Variants in WWOX observed in about 807,000 individuals in gnomAD.
WWOX encodes the protein WW domain containing oxidoreductase, also known as WW domain-containing oxidoreductase.
WWOX carries 69 observed loss-of-function variants against 46.2 expected under a neutral mutation model. The observed-to-expected ratio is 1.49, with a 90% confidence interval of 1.23 to 1.82. WWOX has a LOEUF of 1.82. WWOX is among the 40% of genes most tolerant of loss of function. The pLI is 0.00. For missense variants in WWOX, 919 were observed against 542.6 expected, an observed-to-expected ratio of 1.69 and a Z score of -6.89; for synonymous variants, 359 against 202.6, an observed-to-expected ratio of 1.77 and a Z score of -6.56.
chr16:78,792,973 G>A (rs1446440224), intron 8 of WWOX, among the ~76,000 whole-genome samples: 2 of 152,146 alleles, frequency 1.3e-5, no homozygotes, highest in Non-Finnish European at 2.9e-5. Context: ...TCTTTATTTC[G>A]TTGGTGCTCA....
chr16:78,586,104 C>G (rs1183483270), intron 8 of WWOX, among the ~76,000 whole-genome samples: 3 of 152,098 alleles, frequency 2.0e-5, no homozygotes, highest in South Asian at 4.1e-4. Flanking sequence ...TACCTGTAAT[C>G]CCAACACTTT....
At chr16:78,858,603 G>A (rs1232972332) in intron 8 of WWOX, among the ~76,000 whole-genome samples, 2 of 152,032 alleles carry the variant, frequency 1.3e-5, no homozygotes, top group African/African-American at 2.4e-5. Flanking sequence ...TGTGGCTTAG[G>A]AGCTGAGAAG....
intron 8 of WWOX, among the ~76,000 whole-genome samples, chr16:79,063,407 T>C (rs1349025061): frequency 1.3e-5 from 2 of 152,180 alleles, no homozygotes; most frequent in Non-Finnish European, 2.9e-5. Flanking sequence ...AGGTTGCCAG[T>C]CTGGATATGG....
intron 8 of WWOX, among the ~76,000 whole-genome samples, chr16:78,962,642 T>A (rs1465558587): frequency 6.6e-6 from 1 of 152,102 alleles, no homozygotes; most frequent in Admixed American, 6.5e-5. Context: ...TGCATCAGAA[T>A]CTAACTTGAG....
intron 8 of WWOX, among the ~76,000 whole-genome samples, chr16:78,827,221 C>T (rs1465417724): frequency 1.3e-5 from 2 of 152,186 alleles, no homozygotes; most frequent in South Asian, 2.1e-4. Context: ...AATGGCTGAT[C>T]CTCTAAGACA....
At chr16:79,110,441 A>G (rs1597384956) in intron 8 of WWOX, among the ~76,000 whole-genome samples, 1 of 152,290 alleles carries the variant, frequency 6.6e-6, no homozygotes, top group South Asian at 2.1e-4. Context: ...TCCTGCCTCC[A>G]GCTGTGTAGC....
chr16:78,548,356 A>G (rs1434084427), intron 8 of WWOX, among the ~76,000 whole-genome samples: 1 of 151,828 alleles, frequency 6.6e-6, no homozygotes, highest in Admixed American at 6.6e-5. Flanking sequence ...AAAAAAATCC[A>G]GATTGCTTAG....
intron 6 of WWOX, among the ~76,000 whole-genome samples, chr16:78,416,321 G>T (rs1353077965): frequency 1.3e-5 from 2 of 152,114 alleles, no homozygotes; most frequent in Non-Finnish European, 2.9e-5. Context: ...TTAAAGTGAG[G>T]CAAAAGTAAT....
At chr16:78,923,060 C>T (rs1401247155) in intron 8 of WWOX, among the ~76,000 whole-genome samples, 1 of 149,742 alleles carries the variant, frequency 6.7e-6, no homozygotes, top group African/African-American at 2.5e-5. Context: ...TGGTCCACCT[C>T]AACCTCTGCC....
intron 4 of WWOX, among the ~76,000 whole-genome samples, chr16:78,135,674 C>G (rs892198001): frequency 1.3e-5 from 2 of 150,994 alleles, no homozygotes; most frequent in Non-Finnish European, 2.9e-5. Flanking sequence ...ATTAGACTGA[C>G]AGTATTACTG....
intron 8 of WWOX, among the ~76,000 whole-genome samples, chr16:78,717,996 A>AAAAC (rs2048605356): frequency 6.6e-6 from 1 of 151,414 alleles, no homozygotes; most frequent in Non-Finnish European, 1.5e-5. Context: ...AATGTTAATA[A>AAAAC]GCATTTTTGC....
At chr16:78,114,399 C>T (rs1297584895) in intron 3 of WWOX, among the ~76,000 whole-genome samples, 1 of 152,214 alleles carries the variant, frequency 6.6e-6, no homozygotes, top group Non-Finnish European at 1.5e-5. Context: ...TGTGCCCAGC[C>T]TCCAGTATAT....
At chr16:78,756,397 G>A (rs1248788255) in intron 8 of WWOX, among the ~76,000 whole-genome samples, 1 of 152,158 alleles carries the variant, frequency 6.6e-6, no homozygotes, top group Non-Finnish European at 1.5e-5. Flanking sequence ...GAACTCCAGA[G>A]GACTCTTAAA....
intron 8 of WWOX, among the ~76,000 whole-genome samples, chr16:78,645,106 T>C (rs140280895): frequency 1.9e-4 from 29 of 152,318 alleles, no homozygotes; most frequent in African/African-American, 6.7e-4. Flanking sequence ...CTAAGCAATA[T>C]ACAATCTAGT....
At chr16:78,467,678 G>C (rs561196185) in intron 8 of WWOX, among the ~76,000 whole-genome samples, 3 of 152,286 alleles carry the variant, frequency 2.0e-5, no homozygotes, top group African/African-American at 4.8e-5. Context: ...ATAAAGCTTT[G>C]CTTAATTAAT....
chr16:78,483,622 A>G (rs1028282145), intron 8 of WWOX, among the ~76,000 whole-genome samples: 1 of 152,118 alleles, frequency 6.6e-6, no homozygotes, highest in African/African-American at 2.4e-5. Flanking sequence ...ACATACTTAT[A>G]CTGTGGGCTG....
At position 78,765,407 on chromosome 16, in the gene WWOX, G is replaced by A. The variant is rs146581052; in HGVS notation, c.1056+332655G>A. ...CCACGTAAGATTCGGGGCCGGGCACGGTGGCTCATACTTATAATCCCAGCA... is the reference window on the plus strand; with the variant it reads ...CCACGTAAGATTCGGGGCCGGGCACAGTGGCTCATACTTATAATCCCAGCA... On this transcript the variant is annotated intron_variant, in intron 8 of 8. Transcript: ENST00000566780. Among the ~76,000 whole-genome samples the A allele has an allele frequency of 3.7e-3, 566 of 152,300 alleles. 6 individuals are homozygous for A. Among genetic ancestry groups the A allele is most frequent in the Middle Eastern group, 0.017 (5 of 294 alleles).
chr16:78,677,713 A>G (rs1268311982), intron 8 of WWOX, among the ~76,000 whole-genome samples: 1 of 152,210 alleles, frequency 6.6e-6, no homozygotes, highest in African/African-American at 2.4e-5. Context: ...AGGTCTATAA[A>G]GCATTTGGGC....
intron 8 of WWOX, among the ~76,000 whole-genome samples, chr16:79,177,200 C>T (rs761048242): frequency 3.3e-5 from 5 of 152,118 alleles, no homozygotes; most frequent in Non-Finnish European, 7.4e-5. Flanking sequence ...AAAAGAGAGA[C>T]GTGGCAACTG....
Sources: allele counts gnomAD v4.1 joint callset (sites outside exome capture counted in the v4.1 genomes callset), GRCh38; gene constraint gnomAD v4.1.1; transcripts MANE v1.5; gene names NCBI Gene and HGNC (gene_info 2026-07-23, HGNC 2026-07-21).